The following RCL1 variants were observed in gnomAD, a reference collection of about 807,000 sequenced individuals.
The protein encoded by RCL1 is RNA 3'-terminal phosphate cyclase-like protein.
RCL1 carries 24 observed loss-of-function variants against 42.4 expected under a neutral mutation model. The observed-to-expected ratio is 0.57, with a 90% CI of 0.41 to 0.80. The LOEUF (loss-of-function observed/expected upper bound fraction) is 0.80. RCL1 is among the 30% of genes least tolerant of loss of function. RCL1 has a pLI of 0.00. For synonymous variants in RCL1, 228 were observed against 177.3 expected (o/e 1.29, Z -2.27); for missense variants, 578 against 467.9 (o/e 1.24, Z -2.17).
Position 4,860,276 on chromosome 9 carries a change from T to TA in RCL1, c.*3dup. 8 of 1,612,240 alleles carry TA rather than the reference T, an allele frequency of 5.0e-6. No homozygotes were observed. In the African/African-American group the frequency reaches 6.7e-5, roughly 13 times the overall value. On this transcript the variant is annotated 3_prime_UTR_variant, in exon 9 of 9. Coordinates refer to ENST00000381750, the MANE Select transcript of RCL1 (RefSeq NM_005772.5). ...CAACCTTAGCAAGACCCTCAAGTGATAACCATCACAAGATAAGGCCCCAAT... is the reference window on the plus strand; with the variant it reads ...CAACCTTAGCAAGACCCTCAAGTGATAAACCATCACAAGATAAGGCCCCAAT...
chr9:4,818,461 C>G (rs1340563092), intron 1 of RCL1, among the ~76,000 whole-genome samples: 1 of 152,052 alleles, frequency 6.6e-6, no homozygotes, highest in Non-Finnish European at 1.5e-5. Flanking sequence ...GAGTGGATGT[C>G]TTAATTTATT....
intron 1 of RCL1, among the ~76,000 whole-genome samples, chr9:4,806,064 T>TGTGTGTTTGTGTGTGTGTGTGTGTGTGTG (rs1219639380): frequency 7.2e-6 from 1 of 139,154 alleles, no homozygotes; most frequent in Non-Finnish European, 1.6e-5. Flanking sequence ...GTGTGTGTGT[T>TGTGTGTTTGTGTGTGTGTGTGTGTGTGTG]TGTGTGTGTA....
At chr9:4,794,366 G>T (rs1055294881) in intron 1 of RCL1, among the ~76,000 whole-genome samples, 1 of 152,222 alleles carries the variant, frequency 6.6e-6, no homozygotes, top group Non-Finnish European at 1.5e-5. Flanking sequence ...CCTAGTGATG[G>T]TAGGAAAAAC....
chr9:4,860,090 C>T (rs547260463), intron 8 of RCL1, 35 bp from the exon 9 acceptor site: 1 of 1,411,488 alleles, frequency 7.1e-7, no homozygotes, highest in Non-Finnish European at 9.5e-7. Flanking sequence ...GAATGAATTT[C>T]TTTTTATTTA....
chr9:4,833,362 C>T (rs561499353), intron 4 of RCL1, 134 bp downstream of exon 4: 3 of 689,734 alleles, frequency 4.3e-6, no homozygotes, highest in African/African-American at 3.5e-5. Context: ...TCACAGGGCT[C>T]ATGAAATAAA....
chr9:4,858,356 T>C (rs1157883076), intron 8 of RCL1, among the ~76,000 whole-genome samples: 3 of 152,224 alleles, frequency 2.0e-5, no homozygotes, highest in Middle Eastern at 3.2e-3. Flanking sequence ...TTAATTTTGA[T>C]GAAGTCCAAT....
intron 1 of RCL1, among the ~76,000 whole-genome samples, chr9:4,814,993 G>C (rs945641907): frequency 6.6e-6 from 1 of 152,008 alleles, no homozygotes; most frequent in African/African-American, 2.4e-5. Context: ...GTGTAATGGG[G>C]ATTTCCTTGT....
At chr9:4,810,635 T>C (rs936213387) in intron 1 of RCL1, among the ~76,000 whole-genome samples, 2 of 132,934 alleles carry the variant, frequency 1.5e-5, no homozygotes, top group Non-Finnish European at 3.2e-5. Context: ...AATATTCTTG[T>C]ACAGTCTTTT....
chr9:4,845,035 G>T lies in RCL1; in HGVS notation c.867+354G>T, dbSNP rs1036989452. Among the ~76,000 whole-genome samples the T allele has an allele frequency of 3.3e-5, 5 of 152,204 alleles. No homozygotes were observed. In the East Asian group the frequency reaches 9.6e-4, roughly 29 times the overall value. ...AGAGAGTACCATCCCGGCACCCCCC[G>T]ATTGCTGCCATGTGGGAAGATGGAC... On this transcript the variant is annotated intron_variant, in intron 7 of 8. Coordinates refer to ENST00000381750, the MANE Select transcript of RCL1 (RefSeq NM_005772.5).
chr9:4,841,152 C>G, intron 5 of RCL1, 80 bp from the exon 6 acceptor site: 1 of 1,541,914 alleles, frequency 6.5e-7, no homozygotes, highest in Non-Finnish European at 8.9e-7. Context: ...TACAGTTCCA[C>G]AAATACTTGC....
At chr9:4,821,113 G>A (rs575207051) in intron 1 of RCL1, among the ~76,000 whole-genome samples, 27 of 152,292 alleles carry the variant, frequency 1.8e-4, no homozygotes, top group African/African-American at 5.8e-4. Context: ...AACTAGTGTC[G>A]TGGTGTGGCT....
At chr9:4,835,325 C>A (rs1000283053) in intron 5 of RCL1, among the ~76,000 whole-genome samples, 1 of 152,124 alleles carries the variant, frequency 6.6e-6, no homozygotes, top group Non-Finnish European at 1.5e-5. Flanking sequence ...AACATAGCTT[C>A]CTGGAAGCTC....
chr9:4,837,113 G>C (rs911911065), intron 5 of RCL1, among the ~76,000 whole-genome samples: 1 of 152,152 alleles, frequency 6.6e-6, no homozygotes, highest in Non-Finnish European at 1.5e-5. Flanking sequence ...GCTGGAATAA[G>C]GTTAATTAGG....
At chr9:4,805,544 C>A (rs1234609032) in intron 1 of RCL1, among the ~76,000 whole-genome samples, 1 of 152,200 alleles carries the variant, frequency 6.6e-6, no homozygotes, top group Non-Finnish European at 1.5e-5. Context: ...GAAAACTAAA[C>A]TCTTATAGAA....
At chr9:4,823,346 T>C (rs1816656823) in intron 1 of RCL1, among the ~76,000 whole-genome samples, 1 of 151,552 alleles carries the variant, frequency 6.6e-6, no homozygotes, top group South Asian at 2.1e-4. Context: ...ACTAAACATA[T>C]ATGTACCAGT....
At chr9:4,803,799 T>G (rs1843047248) in intron 1 of RCL1, 1 of 173,778 alleles carries the variant, frequency 5.8e-6, no homozygotes, top group African/African-American at 2.4e-5. Flanking sequence ...TAAAAGTGCT[T>G]CATGTGGAAG....
chr9:4,811,502 C>G (rs1816174499), intron 1 of RCL1, among the ~76,000 whole-genome samples: 1 of 152,108 alleles, frequency 6.6e-6, no homozygotes, highest in African/African-American at 2.4e-5. Flanking sequence ...TTAGCTTCCA[C>G]AAGATATGTG....
intron 8 of RCL1, among the ~76,000 whole-genome samples, chr9:4,853,858 G>A (rs1817842969): frequency 6.6e-6 from 1 of 152,012 alleles, no homozygotes; most frequent in South Asian, 2.1e-4. Flanking sequence ...AGGAGCTAGA[G>A]GACACTGTCC....
chr9:4,823,747 T>C (rs1816668152), intron 2 of RCL1, 128 bp downstream of exon 2: 1 of 639,178 alleles, frequency 1.6e-6, no homozygotes. Flanking sequence ...TTTAATGGTA[T>C]AAATATTATG....
Sources: gnomAD v4.1 joint callset for allele counts (sites outside exome capture counted in the v4.1 genomes callset) on GRCh38, gnomAD v4.1.1 for gene constraint, MANE v1.5 for transcripts, NCBI Gene and HGNC (gene_info 2026-07-23, HGNC 2026-07-21) for gene names.